Variants in CD8B2 observed in about 807,000 individuals in gnomAD.
CD8B2 encodes T-cell surface glycoprotein CD8 beta-2 chain.
A neutral mutation model predicts 23.7 loss-of-function variants in CD8B2; 11 were observed. That is an observed-to-expected ratio of 0.46 (90% CI 0.29 to 0.77). The LOEUF (loss-of-function observed/expected upper bound fraction) is 0.77. CD8B2 is among the 30% of genes least tolerant of loss of function. The pLI is 0.09. For missense variants in CD8B2, 197 were observed against 270.5 expected (o/e 0.73, Z 1.91); for synonymous variants, 90 against 109.3 (o/e 0.82, Z 1.10).
At chr2:106,534,893 A>G (rs935553477) in intron 5 of CD8B2, among the ~76,000 whole-genome samples, 2 of 152,118 alleles carry the variant, frequency 1.3e-5, no homozygotes, top group African/African-American at 4.8e-5. Flanking sequence ...ATCTTGGCTC[A>G]CTGCAACCTC....
chr2:106,512,989 C>T (rs913747981), downstream of CD8B2, among the ~76,000 whole-genome samples: 1 of 152,018 alleles, frequency 6.6e-6, no homozygotes, highest in Non-Finnish European at 1.5e-5. Context: ...AGCCTGAGGC[C>T]AGAATTGAAA....
chr2:106,502,344 C>G (rs560393666), intron 3 of CD8B2, 130 bp from the exon 4 acceptor site: 4 of 454,288 alleles, frequency 8.8e-6, no homozygotes, highest in Non-Finnish European at 1.7e-5. Flanking sequence ...TACATTACAT[C>G]GAAATACAAA....
At chr2:106,537,645 T>C (rs770554004) in intron 5 of CD8B2, among the ~76,000 whole-genome samples, 2 of 152,160 alleles carry the variant, frequency 1.3e-5, no homozygotes, top group Admixed American at 6.5e-5. Context: ...AGATTGTAGC[T>C]CCTTGTGGAA....
chr2:106,490,381 T>C (rs1335595832), intron 1 of CD8B2, among the ~76,000 whole-genome samples: 4 of 152,126 alleles, frequency 2.6e-5, no homozygotes, highest in Non-Finnish European at 5.9e-5. Context: ...CCTGGATCTA[T>C]CCTTTTGTGG....
chr2:106,497,515 A>C (rs1051848165), intron 3 of CD8B2, among the ~76,000 whole-genome samples: 5 of 152,294 alleles, frequency 3.3e-5, no homozygotes, highest in African/African-American at 1.2e-4. Flanking sequence ...AGCAAAAGTC[A>C]CTGGTGACAA....
intron 1 of CD8B2, among the ~76,000 whole-genome samples, chr2:106,490,270 C>G (rs1468551995): frequency 3.3e-5 from 5 of 152,056 alleles, no homozygotes; most frequent in Admixed American, 6.6e-5. Flanking sequence ...GACTTCAAAT[C>G]CTTGAGTTTG....
downstream of CD8B2, among the ~76,000 whole-genome samples, chr2:106,512,539 A>C (rs1679652893): frequency 1.3e-5 from 2 of 152,024 alleles, no homozygotes; most frequent in Non-Finnish European, 2.9e-5. Context: ...ATCATGGCTC[A>C]CTGCAGCTTT....
intron 5 of CD8B2, among the ~76,000 whole-genome samples, chr2:106,533,205 G>A (rs1360728692): frequency 6.6e-6 from 1 of 152,154 alleles, no homozygotes; most frequent in Non-Finnish European, 1.5e-5. Context: ...GAATCCGGGG[G>A]CACCAGGGCT....
intron 1 of CD8B2, among the ~76,000 whole-genome samples, chr2:106,489,722 A>G: frequency 6.6e-6 from 1 of 152,228 alleles, no homozygotes. Context: ...TATGAGACAC[A>G]GGGACAGTAT....
chr2:106,541,951 G>A (rs1451129922), intron 5 of CD8B2, among the ~76,000 whole-genome samples: 2 of 152,184 alleles, frequency 1.3e-5, no homozygotes, highest in East Asian at 1.9e-4. Flanking sequence ...GTGTAAGCTA[G>A]AGGTCAAGGC....
At chr2:106,495,223 T>C (rs148255538) in intron 2 of CD8B2, among the ~76,000 whole-genome samples, 2 of 152,116 alleles carry the variant, frequency 1.3e-5, no homozygotes, top group African/African-American at 4.8e-5. Context: ...TCCCAAGTCA[T>C]ACAGCGGTTA....
At chr2:106,542,692 ATATATAT>A (rs1177067742) in intron 5 of CD8B2, among the ~76,000 whole-genome samples, 2 of 147,908 alleles carry the variant, frequency 1.4e-5, no homozygotes, top group African/African-American at 4.9e-5. Context: ...TATATATGAA[ATATATAT>A]TATATATGAA....
chr2:106,542,156 C>A (rs1680184296), intron 5 of CD8B2, among the ~76,000 whole-genome samples: 1 of 152,254 alleles, frequency 6.6e-6, no homozygotes. Context: ...CTCTGTAGAT[C>A]CTCAGGGACT....
At chr2:106,503,723 C>T (rs1679456528) in intron 4 of CD8B2, among the ~76,000 whole-genome samples, 1 of 151,936 alleles carries the variant, frequency 6.6e-6, no homozygotes, top group Admixed American at 6.6e-5. Flanking sequence ...CACTTGAGCC[C>T]AGGAGTTCAA....
chr2:106,532,914 AG>A (rs752647101), intron 5 of CD8B2, among the ~76,000 whole-genome samples: 15 of 152,202 alleles, frequency 9.9e-5, no homozygotes, highest in Non-Finnish European at 1.9e-4. Context: ...GCAGCCCAGC[AG>A]GTCTCAGCCT....
intron 5 of CD8B2, among the ~76,000 whole-genome samples, chr2:106,538,584 G>C (rs1016126525): frequency 3.3e-5 from 5 of 152,108 alleles, no homozygotes; most frequent in African/African-American, 1.2e-4. Context: ...GCGCTATCTA[G>C]AGCCGAGCAG....
intron 1 of CD8B2, among the ~76,000 whole-genome samples, chr2:106,488,857 C>T (rs1168190375): frequency 1.3e-5 from 2 of 152,116 alleles, no homozygotes; most frequent in African/African-American, 4.8e-5. Flanking sequence ...ATTAACTCCC[C>T]CAAGAAGTGA....
At chr2:106,535,917 C>T (rs1464211425) in intron 5 of CD8B2, among the ~76,000 whole-genome samples, 3 of 152,086 alleles carry the variant, frequency 2.0e-5, no homozygotes, top group Admixed American at 2.0e-4. Context: ...TTCTGCTCTG[C>T]TCCTGGGGAG....
At chr2:106,502,148 T>C (rs534391974) in intron 3 of CD8B2, among the ~76,000 whole-genome samples, 9 of 151,642 alleles carry the variant, frequency 5.9e-5, no homozygotes, top group African/African-American at 2.2e-4. Context: ...ATACAAAAAT[T>C]AGCCAGGCAT....
Sources: gnomAD v4.1 joint callset for allele counts (sites outside exome capture counted in the v4.1 genomes callset) on GRCh38, gnomAD v4.1.1 for gene constraint, MANE v1.5 for transcripts, NCBI Gene and HGNC (gene_info 2026-07-23, HGNC 2026-07-21) for gene names.